The following SOX5 variants were observed in gnomAD, a reference collection of about 807,000 sequenced individuals.
SOX5 encodes the protein transcription factor SOX-5.
A neutral mutation model predicts 92.0 loss-of-function variants in SOX5; 9 were observed. The observed-to-expected ratio is 0.10, with a 90% CI of 0.06 to 0.17. The LOEUF is 0.17. SOX5 is among the 10% of genes least tolerant of loss of function. SOX5 has a pLI of 1.00. For missense variants in SOX5, 642 were observed against 944.5 expected, an observed-to-expected ratio of 0.68 and a Z score of 4.20; for synonymous variants, 344 against 336.3, an observed-to-expected ratio of 1.02 and a Z score of -0.25.
intron 3 of SOX5, among the ~76,000 whole-genome samples, chr12:24,261,667 T>C (rs1379691772): frequency 6.6e-6 from 1 of 152,208 alleles, no homozygotes; most frequent in Non-Finnish European, 1.5e-5. Context: ...TTGACAGACT[T>C]ATGTGTCGCT....
intron 6 of SOX5, among the ~76,000 whole-genome samples, chr12:23,699,707 T>C (rs2090362913): frequency 6.6e-6 from 1 of 152,158 alleles, no homozygotes; most frequent in Non-Finnish European, 1.5e-5. Flanking sequence ...GAGTATATGT[T>C]TCCTTAAGTG....
At chr12:24,188,597 A>C (rs12300283) in intron 4 of SOX5, among the ~76,000 whole-genome samples, 10,505 of 151,786 alleles carry the variant, frequency 0.069, 490 homozygotes, top group African/African-American at 0.13. Flanking sequence ...AAGTAGAAAT[A>C]AAAAAAACAG....
intron 4 of SOX5, among the ~76,000 whole-genome samples, chr12:23,963,986 A>G (rs922411539): frequency 3.9e-5 from 6 of 151,902 alleles, no homozygotes; most frequent in Admixed American, 1.3e-4. Context: ...AAACCAACCA[A>G]CCAACCAAAC....
chr12:24,517,395 G>T (rs1392078432), intron 1 of SOX5, among the ~76,000 whole-genome samples: 1 of 152,122 alleles, frequency 6.6e-6, no homozygotes, highest in African/African-American at 2.4e-5. Flanking sequence ...GAGTCAAAAA[G>T]CACGGGAAAC....
intron 4 of SOX5, among the ~76,000 whole-genome samples, chr12:24,161,930 AG>A (rs1952802555): frequency 6.6e-6 from 1 of 152,124 alleles, no homozygotes; most frequent in Non-Finnish European, 1.5e-5. Context: ...AAGCAACCTA[AG>A]GATACAAAAA....
At chr12:24,316,620 A>G (rs1177569975) in intron 2 of SOX5, among the ~76,000 whole-genome samples, 1 of 152,224 alleles carries the variant, frequency 6.6e-6, no homozygotes, top group East Asian at 1.9e-4. Context: ...AGAATTTCAC[A>G]AGCTTCACCA....
intron 10 of SOX5, among the ~76,000 whole-genome samples, chr12:23,566,480 C>T (rs1947118749): frequency 1.3e-5 from 2 of 152,156 alleles, no homozygotes; most frequent in Admixed American, 1.3e-4. Context: ...TAGCATTGTT[C>T]CTTTTTCCTC....
At chr12:23,913,764 C>A (rs1274941405) in intron 1 of SOX5, among the ~76,000 whole-genome samples, 6 of 150,214 alleles carry the variant, frequency 4.0e-5, no homozygotes, top group South Asian at 2.1e-4. Context: ...AAAAAGAAAG[C>A]AAGCACTGAA....
chr12:23,802,424 T>C (rs909631331), intron 3 of SOX5, among the ~76,000 whole-genome samples: 15 of 152,130 alleles, frequency 9.9e-5, no homozygotes, highest in African/African-American at 3.6e-4. Flanking sequence ...CAAAGTTTTA[T>C]AAGACAGCAA....
chr12:23,735,592 T>C (rs2093560252), intron 5 of SOX5, among the ~76,000 whole-genome samples: 2 of 152,208 alleles, frequency 1.3e-5, no homozygotes, highest in African/African-American at 4.8e-5. Flanking sequence ...TACTTCCATA[T>C]GTAAGCCAAG....
intron 2 of SOX5, among the ~76,000 whole-genome samples, chr12:24,364,532 A>ATATATG (rs1955957908): frequency 6.9e-6 from 1 of 145,410 alleles, no homozygotes; most frequent in Non-Finnish European, 1.5e-5. Flanking sequence ...ATATATATAT[A>ATATATG]TATATATATA....
chr12:24,427,798 G>A (rs1966858961), intron 1 of SOX5, among the ~76,000 whole-genome samples: 1 of 152,188 alleles, frequency 6.6e-6, no homozygotes, highest in Non-Finnish European at 1.5e-5. Flanking sequence ...ATATCTACCA[G>A]CGCTTGATAA....
intron 1 of SOX5, among the ~76,000 whole-genome samples, chr12:23,916,554 G>A (rs1221098503): frequency 6.6e-6 from 1 of 152,100 alleles, no homozygotes; most frequent in Admixed American, 6.5e-5. Flanking sequence ...GTACTGTCAA[G>A]AAATGTAAAC....
chr12:24,094,387 G>A (rs1347763574), intron 4 of SOX5, among the ~76,000 whole-genome samples: 1 of 150,492 alleles, frequency 6.6e-6, no homozygotes. Flanking sequence ...TTTACCTGCT[G>A]CAAAATTGTA....
At chr12:24,045,593 C>T (rs1956916523) in intron 4 of SOX5, among the ~76,000 whole-genome samples, 1 of 152,128 alleles carries the variant, frequency 6.6e-6, no homozygotes, top group Admixed American at 6.5e-5. Context: ...AGCCATCTTG[C>T]CGGCCAGAAG....
intron 2 of SOX5, among the ~76,000 whole-genome samples, chr12:24,302,936 A>T (rs993093035): frequency 2.0e-5 from 3 of 152,188 alleles, no homozygotes; most frequent in African/African-American, 7.2e-5. Context: ...CAACAGTAAC[A>T]AAAACCAAAA....
At chr12:23,684,897 A>G (rs1007148247) in intron 6 of SOX5, among the ~76,000 whole-genome samples, 1 of 152,166 alleles carries the variant, frequency 6.6e-6, no homozygotes, top group African/African-American at 2.4e-5. Context: ...TTCTTTTTGC[A>G]TTGTTATTTT....
At chr12:24,368,387 T>C (rs1329832669) in intron 2 of SOX5, 2 of 152,230 alleles carry the variant, frequency 1.3e-5, no homozygotes, top group African/African-American at 4.8e-5. Context: ...TTTGGTTATA[T>C]GAGAAACCAT....
upstream of SOX5, among the ~76,000 whole-genome samples, chr12:23,950,391 ACT>A (rs1314374946): frequency 6.6e-6 from 1 of 151,836 alleles, no homozygotes; most frequent in African/African-American, 2.4e-5. Flanking sequence ...CTTGTCACTC[ACT>A]CTGTCGGTCT....
Sources: allele counts gnomAD v4.1 joint callset (sites outside exome capture counted in the v4.1 genomes callset), GRCh38; gene constraint gnomAD v4.1.1; transcripts MANE v1.5; gene names NCBI Gene and HGNC (gene_info 2026-07-23, HGNC 2026-07-21).